The following SLIT3 variants were observed in gnomAD, a reference collection of about 807,000 sequenced individuals.
The protein encoded by SLIT3 is slit guidance ligand 3.
In SLIT3, 68 loss-of-function variants were observed where a neutral mutation model predicts 184.0. The observed-to-expected ratio is 0.37, with a 90% CI of 0.30 to 0.45. SLIT3 has a LOEUF of 0.45. Among genes scored for constraint, SLIT3 ranks in the 20% least tolerant of loss-of-function variants. SLIT3 has a pLI of 1.00. For synonymous variants in SLIT3, 831 were observed against 828.6 expected (o/e 1.00, Z -0.05); for missense variants, 1,707 against 2,026.0 (o/e 0.84, Z 3.02).
At chr5:169,226,714 C>T (rs538610678) in intron 3 of SLIT3, among the ~76,000 whole-genome samples, 1 of 152,256 alleles carries the variant, frequency 6.6e-6, no homozygotes, top group South Asian at 2.1e-4. Flanking sequence ...AAAACCCCTA[C>T]CCCATATTAT....
chr5:168,833,022 C>T (rs1312096395), intron 6 of SLIT3, among the ~76,000 whole-genome samples: 1 of 152,192 alleles, frequency 6.6e-6, no homozygotes, highest in African/African-American at 2.4e-5. Flanking sequence ...AGGGCAGCCA[C>T]CAGTGATGAA....
chr5:168,761,485 T>C (rs139556302), intron 15 of SLIT3, among the ~76,000 whole-genome samples: 2 of 152,162 alleles, frequency 1.3e-5, no homozygotes, highest in African/African-American at 2.4e-5. Context: ...CATCCAGGGC[T>C]TACTCTGTGC....
At chr5:168,740,665 C>T (rs1005411845) in intron 20 of SLIT3, among the ~76,000 whole-genome samples, 4 of 152,138 alleles carry the variant, frequency 2.6e-5, no homozygotes, top group African/African-American at 4.8e-5. Context: ...CCCAGGAAGA[C>T]GGTTTGGGGA....
intron 5 of SLIT3, among the ~76,000 whole-genome samples, chr5:168,869,077 G>A (rs1293120033): frequency 2.0e-5 from 3 of 152,282 alleles, no homozygotes; most frequent in Middle Eastern, 3.4e-3. Context: ...TGTGGTTGCC[G>A]GGCAGGACTG....
intron 9 of SLIT3, among the ~76,000 whole-genome samples, chr5:168,803,794 G>A (rs966434903): frequency 1.6e-4 from 24 of 152,130 alleles, no homozygotes; most frequent in African/African-American, 5.8e-4. Flanking sequence ...GGAAAGGAAC[G>A]ATCCATAGGA....
chr5:169,262,669 C>T (rs1766234649), intron 1 of SLIT3, among the ~76,000 whole-genome samples: 1 of 152,172 alleles, frequency 6.6e-6, no homozygotes, highest in Non-Finnish European at 1.5e-5. Flanking sequence ...CCCCAAATGT[C>T]AATTTCATTC....
At chr5:168,785,499 A>G (rs1756122321) in intron 12 of SLIT3, among the ~76,000 whole-genome samples, 2 of 152,236 alleles carry the variant, frequency 1.3e-5, no homozygotes, top group East Asian at 1.9e-4. Context: ...TCAAGGTCAC[A>G]TGTCCATCAG....
chr5:168,967,752 T>C (rs1447868414), intron 4 of SLIT3, among the ~76,000 whole-genome samples: 1 of 152,134 alleles, frequency 6.6e-6, no homozygotes, highest in Non-Finnish European at 1.5e-5. Context: ...TCTCAAATCT[T>C]TGAGGGATTT....
rs370019657 is a variant in SLIT3 at position 169,019,109 on chromosome 5, T to C, written c.414-135773A>G. ...AGCAAAGGGAGAACTTTTAGCTGCATCCTGGGAAGGAGAAAGGAAGTGACA... is the reference window on the plus strand; with the variant it reads ...AGCAAAGGGAGAACTTTTAGCTGCACCCTGGGAAGGAGAAAGGAAGTGACA... On this transcript the variant is annotated intron_variant, in intron 4 of 35. Transcript: ENST00000519560. 5.3e-5 allele frequency among the ~76,000 whole-genome samples: 8 copies of C among 152,332 alleles called. No individual in the cohort carries two copies. In the East Asian group the frequency reaches 1.3e-3, roughly 26 times the overall value.
In SLIT3 at chr5:168,817,526, CCAGA is replaced by C. The variant is rs1455191717; in HGVS notation, c.630-67_630-64del. 81 of 1,546,922 alleles carry C rather than the reference CCAGA, an allele frequency of 5.2e-5. No homozygotes were observed. In the Middle Eastern group the frequency reaches 7.3e-4, roughly 14 times the overall value. On this transcript the variant is annotated intron_variant, in intron 7 of 35. Coordinates refer to ENST00000519560, the MANE Select transcript of SLIT3 (RefSeq NM_003062.4). ...GGTGAAGTGTGGAGGCTGTCACTGGCCAGACAGAGTGACCAAAACCCCTGTTGCC... is the reference window on the plus strand; with the variant it reads ...GGTGAAGTGTGGAGGCTGTCACTGGCCAGAGTGACCAAAACCCCTGTTGCC...
chr5:168,886,664 G>A (rs538081676), intron 4 of SLIT3, among the ~76,000 whole-genome samples: 18 of 152,258 alleles, frequency 1.2e-4, no homozygotes, highest in Admixed American at 2.6e-4. Flanking sequence ...GCATGAGATT[G>A]GAGTAGGGTG....
At chr5:168,865,024 C>T (rs1366276383) in intron 5 of SLIT3, among the ~76,000 whole-genome samples, 1 of 151,886 alleles carries the variant, frequency 6.6e-6, no homozygotes, top group Non-Finnish European at 1.5e-5. Flanking sequence ...AAAAATTAGC[C>T]AGGCGTGGTG....
chr5:169,074,217 TCTCCA>T (rs1468127387), intron 4 of SLIT3, among the ~76,000 whole-genome samples: 1 of 152,112 alleles, frequency 6.6e-6, no homozygotes, highest in Non-Finnish European at 1.5e-5. Context: ...ACAGGGCAAG[TCTCCA>T]CTGTATTTTG....
intron 4 of SLIT3, among the ~76,000 whole-genome samples, chr5:169,101,135 T>C (rs1759997104): frequency 6.6e-6 from 1 of 152,190 alleles, no homozygotes; most frequent in South Asian, 2.1e-4. Context: ...TTGATGGTCT[T>C]AGGGAGTAAA....
chr5:168,931,067 T>G (rs1761974345), intron 4 of SLIT3, among the ~76,000 whole-genome samples: 1 of 152,108 alleles, frequency 6.6e-6, no homozygotes, highest in African/African-American at 2.4e-5. Flanking sequence ...CCCAACACCC[T>G]CCTGGTCCCT....
At chr5:168,782,702 C>T (rs941601954) in intron 12 of SLIT3, among the ~76,000 whole-genome samples, 3 of 152,126 alleles carry the variant, frequency 2.0e-5, no homozygotes, top group Admixed American at 2.0e-4. Flanking sequence ...TTCTGAGATG[C>T]CTCCATGTGG....
At chr5:168,994,940 C>A (rs1755462158) in intron 4 of SLIT3, among the ~76,000 whole-genome samples, 1 of 152,054 alleles carries the variant, frequency 6.6e-6, no homozygotes. Context: ...CTGCGCCCAG[C>A]CCTGGCATTC....
rs557086550 is a variant in SLIT3, at chr5:169,199,880, C to T, written c.342-6330G>A. Among the ~76,000 whole-genome samples the T allele has an allele frequency of 3.1e-3, 466 of 152,316 alleles. 3 individuals are homozygous for T. The highest frequency in any genetic ancestry group is 0.011 in the African/African-American group (450 of 41,558). ...TCCTTTGCGTCCCAACAGTAGCCAA[C>T]ACAGCATCAGGCACACAAAGAACCT... On this transcript the variant is annotated intron_variant, in intron 3 of 35. Coordinates refer to ENST00000519560, the MANE Select transcript of SLIT3 (RefSeq NM_003062.4).
chr5:168,806,778 T>C (rs901945522), intron 8 of SLIT3, among the ~76,000 whole-genome samples, 191 bp from the exon 9 acceptor site: 1 of 151,676 alleles, frequency 6.6e-6, no homozygotes, highest in African/African-American at 2.4e-5. Flanking sequence ...GAGGAGAGAG[T>C]CTGACTTGAC....
Sources: gnomAD v4.1 joint callset for allele counts (sites outside exome capture counted in the v4.1 genomes callset) on GRCh38, gnomAD v4.1.1 for gene constraint, MANE v1.5 for transcripts, NCBI Gene and HGNC (gene_info 2026-07-23, HGNC 2026-07-21) for gene names.